Variants in PTPRA observed in about 807,000 individuals in gnomAD.
PTPRA encodes protein tyrosine phosphatase receptor type A.
Under a neutral mutation model 104.8 loss-of-function variants are expected in PTPRA, and 25 were observed. The ratio of observed to expected loss-of-function variants is 0.24; its 90% CI spans 0.17 to 0.33. The LOEUF is 0.33. PTPRA is among the 10% of genes least tolerant of loss of function. PTPRA has a pLI of 1.00. For missense variants in PTPRA, 765 were observed against 1,015.3 expected, an observed-to-expected ratio of 0.75 and a Z score of 3.35; for synonymous variants, 323 against 368.9, an observed-to-expected ratio of 0.88 and a Z score of 1.43.
At chr20:2,864,863 C>A in the PTPRA span, 1 of 1,418,152 alleles carries the variant, frequency 7.1e-7, no homozygotes, top group Non-Finnish European at 9.8e-7. The surrounding 1 kb of genome is among the most constrained non-coding windows in gnomAD (Gnocchi z 5.2). Context: ...ACCTAGCAGG[C>A]AAGGCTGACC....
chr20:2,895,296 G>T (rs747371253), intron 1 of PTPRA, among the ~76,000 whole-genome samples: 18 of 151,886 alleles, frequency 1.2e-4, no homozygotes, highest in South Asian at 2.1e-4. Context: ...GGCTGGTCTA[G>T]AACTCCTGAC....
chr20:2,867,215 C>G, the PTPRA span, among the ~76,000 whole-genome samples: 2 of 152,132 alleles, frequency 1.3e-5, no homozygotes, highest in Admixed American at 6.5e-5. Flanking sequence ...GAGAAGGGAG[C>G]CTGAGGCAAG....
At position 3,012,153 on chromosome 20, in the gene PTPRA, G is replaced by T. The variant is rs6051528; in HGVS notation, c.907-3696G>T. On this transcript the variant is annotated intron_variant, in intron 11 of 23. Transcript: ENST00000399903. Reference sequence around the variant, plus strand: ...ATAGTGTCTGCCAGTTTTCAGTACAGCTGAGCGGTTTTGATGAATTTATCT... The same window carrying T: ...ATAGTGTCTGCCAGTTTTCAGTACATCTGAGCGGTTTTGATGAATTTATCT... 1.1e-3 allele frequency among the ~76,000 whole-genome samples: 175 copies of T among 152,330 alleles called. 3 individuals are homozygous for T. The highest frequency in any genetic ancestry group is 3.8e-3 in the African/African-American group (158 of 41,576).
chr20:2,982,900 A>G (rs1163692871), intron 6 of PTPRA, among the ~76,000 whole-genome samples: 2 of 152,122 alleles, frequency 1.3e-5, no homozygotes, highest in East Asian at 3.9e-4. Context: ...GGGTTTCACC[A>G]TGTTGGCCAA....
At chr20:3,019,160 C>T (rs993838054) in intron 13 of PTPRA, among the ~76,000 whole-genome samples, 7 of 143,230 alleles carry the variant, frequency 4.9e-5, no homozygotes, top group Non-Finnish European at 9.2e-5. Context: ...GGGGCTGATC[C>T]CCCAACCTCC....
At chr20:2,942,021 T>C (rs1031080003) in intron 2 of PTPRA, among the ~76,000 whole-genome samples, 1 of 152,202 alleles carries the variant, frequency 6.6e-6, no homozygotes, top group Non-Finnish European at 1.5e-5. Context: ...AAGATAGGGA[T>C]TCTGTTAGAA....
intron 6 of PTPRA, among the ~76,000 whole-genome samples, chr20:2,982,366 A>C (rs2062714474): frequency 6.6e-6 from 1 of 151,948 alleles, no homozygotes; most frequent in South Asian, 2.1e-4. Context: ...GGATGTGCCT[A>C]ATTACTTTCT....
chr20:2,892,231 A>C (rs1421547666), intron 1 of PTPRA, among the ~76,000 whole-genome samples: 1 of 149,112 alleles, frequency 6.7e-6, no homozygotes, highest in Admixed American at 6.8e-5. Context: ...TGAAGGTTGC[A>C]GTGAGCCAAG....
At position 2,877,195 on chromosome 20, in the gene PTPRA, T is replaced by G. The variant is rs915241282; in HGVS notation, c.-129+3435T>G. 3.9e-5 allele frequency among the ~76,000 whole-genome samples: 6 copies of G among 152,392 alleles called. No homozygotes were observed. In the South Asian group the frequency reaches 1.2e-3, roughly 32 times the overall value. On this transcript the variant is annotated intron_variant, in intron 1 of 23. Transcript: ENST00000399903. ...GGCCAAATATAGAATCTTGTCATTT[T>G]ACTTCCAGTGCAATAATAAATGTTT...
chr20:3,001,094 A>T (rs1473738824), intron 9 of PTPRA, among the ~76,000 whole-genome samples: 3 of 152,238 alleles, frequency 2.0e-5, no homozygotes, highest in African/African-American at 7.2e-5. Flanking sequence ...ACGGTCTTCG[A>T]TGCCACCTAG....
At chr20:3,000,076 GAGTT>G (rs1299592394) in intron 9 of PTPRA, among the ~76,000 whole-genome samples, 1 of 151,988 alleles carries the variant, frequency 6.6e-6, no homozygotes, top group Non-Finnish European at 1.5e-5. Context: ...ACAAGGTCAG[GAGTT>G]CGAGACCAGC....
chr20:3,008,897 G>A (rs2064014172), intron 11 of PTPRA, among the ~76,000 whole-genome samples: 1 of 151,946 alleles, frequency 6.6e-6, no homozygotes, highest in Non-Finnish European at 1.5e-5. Context: ...GGGCGACAGG[G>A]TGAGACTGTC....
chr20:2,885,201 C>T (rs901883128), intron 1 of PTPRA, among the ~76,000 whole-genome samples: 5 of 152,140 alleles, frequency 3.3e-5, no homozygotes, highest in African/African-American at 1.2e-4. Flanking sequence ...ATATCCTTGT[C>T]AACACTTGTT....
chr20:3,018,296 A>T (rs942768023), intron 13 of PTPRA, among the ~76,000 whole-genome samples: 3 of 152,050 alleles, frequency 2.0e-5, no homozygotes, highest in Non-Finnish European at 4.4e-5. Context: ...GGGTCACAGG[A>T]CAATAGTGGA....
intron 16 of PTPRA, 36 bp from the exon 17 acceptor site, chr20:3,024,436 A>G (rs1268092642): frequency 6.3e-7 from 1 of 1,597,248 alleles, no homozygotes; most frequent in Non-Finnish European, 8.6e-7. Context: ...ACTATGTTGT[A>G]TGTAACCAAG....
chr20:2,930,527 C>G (rs555821546), intron 2 of PTPRA, among the ~76,000 whole-genome samples: 12 of 152,248 alleles, frequency 7.9e-5, no homozygotes, highest in Admixed American at 7.2e-4. Flanking sequence ...TCTGGCAGTT[C>G]TGGAGGCCCA....
intron 1 of PTPRA, among the ~76,000 whole-genome samples, chr20:2,884,121 A>C (rs2146873000): frequency 6.6e-6 from 1 of 152,168 alleles, no homozygotes; most frequent in African/African-American, 2.4e-5. Flanking sequence ...GATATACGAC[A>C]TTTGGCTAAC....
chr20:2,954,263 G>C (rs28863783), intron 3 of PTPRA, among the ~76,000 whole-genome samples: 1 of 151,718 alleles, frequency 6.6e-6, no homozygotes, highest in African/African-American at 2.4e-5. Flanking sequence ...ATTTTTAGTA[G>C]AGATGGGGTT....
intron 2 of PTPRA, among the ~76,000 whole-genome samples, chr20:2,930,667 G>A (rs2060472406): frequency 6.6e-6 from 1 of 152,062 alleles, no homozygotes; most frequent in African/African-American, 2.4e-5. Context: ...TCTTCAATTG[G>A]CATTTTCCCT....
Sources: allele counts gnomAD v4.1 joint callset (sites outside exome capture counted in the v4.1 genomes callset), GRCh38; gene constraint gnomAD v4.1.1; non-coding constraint Gnocchi (gnomAD v3.1); transcripts MANE v1.5; gene names NCBI Gene and HGNC (gene_info 2026-07-23, HGNC 2026-07-21).